GPR137B: variants seen among roughly 807,000 people sequenced by gnomAD.
GPR137B encodes G protein-coupled receptor 137B.
Under a neutral mutation model 42.5 loss-of-function variants are expected in GPR137B, and 42 were observed. The ratio of observed to expected loss-of-function variants is 0.99; its 90% confidence interval spans 0.77 to 1.28. The LOEUF (loss-of-function observed/expected upper bound fraction) is 1.28, where lower values mean the gene tolerates loss of function less well. Ranked by LOEUF, GPR137B falls within the 50% of genes most tolerant of loss-of-function variation. The pLI is 0.00. For synonymous variants in GPR137B, 218 were observed against 209.7 expected, an observed-to-expected ratio of 1.04 and a Z score of -0.34; for missense variants, 487 against 493.9, an observed-to-expected ratio of 0.99 and a Z score of 0.13.
chr1:236,176,561 A>T (rs1170866252), intron 2 of GPR137B, among the ~76,000 whole-genome samples: 2 of 152,152 alleles, frequency 1.3e-5, no homozygotes, highest in Admixed American at 6.5e-5. Context: ...CCCCCAGCAC[A>T]GGGCTGTGCA....
At position 236,142,924 on chromosome 1, in the gene GPR137B, A is replaced by G. The variant is rs939171627; in HGVS notation, c.302A>G (p.Lys101Arg). Reference sequence around the variant, plus strand: ...ACCGTCCTCTTCTCCTTCTACTTCAAAGACTTCGTGGCGGCCAATTCGCTC... The same window carrying G: ...ACCGTCCTCTTCTCCTTCTACTTCAGAGACTTCGTGGCGGCCAATTCGCTC... Reference protein sequence around the residue: ...LRTVLFSFYFKDFVAANSLSP... With the variant: ...LRTVLFSFYFRDFVAANSLSP... The change falls in exon 1 of 7, where the codon AAA (lysine) becomes AGA (arginine). Residue 101 changes from lysine to arginine, a missense_variant. By Grantham distance (26) the Lys-to-Arg change is conservative. Transcript: ENST00000366592. 6.2e-7 allele frequency: 1 copy of G among 1,614,080 alleles called. No individual in the cohort carries two copies. The highest frequency in any genetic ancestry group is 1.6e-4 in the Middle Eastern group (1 of 6,062).
chr1:236,183,642 G>T (rs1443751347), intron 4 of GPR137B, 136 bp from the exon 5 acceptor site: 3 of 558,594 alleles, frequency 5.4e-6, no homozygotes, highest in African/African-American at 3.8e-5. Flanking sequence ...TAGTATATTC[G>T]GTAGTACATT....
In GPR137B at chr1:236,208,326, C is replaced by G; in HGVS notation, c.*168C>G. On this transcript the variant is annotated 3_prime_UTR_variant, in exon 7 of 7. Coordinates refer to ENST00000366592, the MANE Select transcript of GPR137B (RefSeq NM_003272.4). ...TAAGCAATAATGTAGACTGATAAAC[C>G]CTTATTTTAGTACTAAAGAGGGAGC... is the stretch of plus-strand genomic sequence containing the variant. The G allele has an allele frequency of 1.5e-6, 2 of 1,359,208 alleles. No homozygotes were observed. Among genetic ancestry groups the G allele is most frequent in the Non-Finnish European group, 1.9e-6 (2 of 1,055,406 alleles). The allele number at this position is 1,359,208 out of a possible 1,614,324, so 84.2% of individuals were successfully genotyped here.
Position 236,183,801 on chromosome 1 carries a change from A to G in GPR137B, c.861A>G (p.Gly287=), listed in dbSNP as rs765398895. 4 of 1,607,030 alleles carry G rather than the reference A, an allele frequency of 2.5e-6. No homozygotes were observed. The African/African-American group carries it at 4.0e-5, about 16-fold the overall frequency. ...AGGCAGATTTGAAGAATCAGCTGGG[A>G]GATGCTGGATACGTATTATTTGGAG... ...SDQADLKNQL[G]DAGYVLFGVV... The change falls in exon 5 of 7, where the codon GGA becomes GGG. Residue 287 remains glycine, a synonymous_variant. Transcript: ENST00000366592.
intron 1 of GPR137B, among the ~76,000 whole-genome samples, chr1:236,162,581 A>G (rs569231766): frequency 7.2e-5 from 11 of 152,304 alleles, no homozygotes; most frequent in Admixed American, 5.2e-4. Flanking sequence ...CAGGGTCCCC[A>G]TGCTGTGTGC....
At position 236,179,899 on chromosome 1, in the gene GPR137B, G is replaced by A; in HGVS notation, c.708G>A (p.Val236=). ...TCCAGGGCTCCTCCGTGTGTCAAGT[G>A]ACTGCCATCGGTGTCACCGTGATAC... The part of the protein sequence containing the change: ...LESKGSSVCQ[V]TAIGVTVILL... The change falls in exon 4 of 7, where the codon GTG becomes GTA. Residue 236 remains valine, a synonymous_variant. Transcript: ENST00000366592. 1 of 1,593,088 alleles carries A rather than the reference G, an allele frequency of 6.3e-7. No homozygotes were observed. The highest frequency in any genetic ancestry group is 8.5e-7 in the Non-Finnish European group (1 of 1,169,712).
Position 236,201,705 on chromosome 1 carries a change from C to G in GPR137B, c.967-3421C>G, listed in dbSNP as rs937970920. On this transcript the variant is annotated intron_variant, in intron 5 of 6. Transcript: ENST00000366592. ...TACTTAAGTTGGTTTTCACCTTTCT[C>G]TGGTATCTCTTTGAGTAGCTTAATA... Among the ~76,000 whole-genome samples, 9 of 152,064 alleles carry G rather than the reference C, an allele frequency of 5.9e-5. No homozygotes were observed. In the East Asian group the frequency reaches 1.7e-3, roughly 29 times the overall value.
At chr1:236,159,807 G>A (rs1393393823) in intron 1 of GPR137B, among the ~76,000 whole-genome samples, 1 of 152,234 alleles carries the variant, frequency 6.6e-6, no homozygotes, top group Non-Finnish European at 1.5e-5. Context: ...CATCCGAAAG[G>A]ATGGGGTGAA....
At chr1:236,194,193 C>T (rs750124189) in intron 5 of GPR137B, among the ~76,000 whole-genome samples, 6 of 151,870 alleles carry the variant, frequency 4.0e-5, no homozygotes, top group Non-Finnish European at 7.4e-5. Flanking sequence ...TATTTGTTTT[C>T]AACTTACAAT....
intron 6 of GPR137B, among the ~76,000 whole-genome samples, chr1:236,207,832 T>A (rs1340440991): frequency 6.6e-6 from 1 of 152,124 alleles, no homozygotes; most frequent in Non-Finnish European, 1.5e-5. Context: ...TCATGCTGTA[T>A]ACTCTGTGCT....
intron 6 of GPR137B, 103 bp downstream of exon 6, chr1:236,205,353 G>T: frequency 6.4e-6 from 6 of 934,394 alleles, no homozygotes; most frequent in South Asian, 1.7e-5. Context: ...AAACTGTGCA[G>T]CCTTAGGTGG....
rs1661809326 is a variant in GPR137B, at chr1:236,150,161, ATG to A, written c.414+7132_414+7133del. On this transcript the variant is annotated intron_variant, in intron 1 of 6. Coordinates refer to ENST00000366592, the MANE Select transcript of GPR137B (RefSeq NM_003272.4). The surrounding 1 kb of genome is among the most constrained non-coding windows in gnomAD (Gnocchi z 6.2). ...TGTGTGCCTCTGTTTGTGTCTGTGC[ATG>A]TGTGTGCCCGTTTGTGTTTGTGTGT... Among the ~76,000 whole-genome samples, 1 of 122,444 alleles carries A rather than the reference ATG, an allele frequency of 8.2e-6. No individual in the cohort carries two copies. Among genetic ancestry groups the A allele is most frequent in the East Asian group, 2.4e-4 (1 of 4,144 alleles). 80.3% of individuals were successfully genotyped at this position (122,444 alleles called of 152,430 possible).
rs1661572605 is a variant in GPR137B at position 236,143,034 on chromosome 1, C to T, written c.412C>T (p.Gln138Ter). The T allele has an allele frequency of 6.2e-7, 1 of 1,608,356 alleles. No homozygotes were observed. Among genetic ancestry groups the T allele is most frequent in the Admixed American group, 1.7e-5 (1 of 59,820 alleles). ...TLTLMNLYFTQVIFKAKSKYS... is the reference protein window; with the variant it reads ...TLTLMNLYFT Reference sequence around the variant, plus strand: ...CACGCTGATGAACTTGTACTTCACGCAGGTGAGTTTCAGAGAGGCTCCTGG... The same window carrying T: ...CACGCTGATGAACTTGTACTTCACGTAGGTGAGTTTCAGAGAGGCTCCTGG... The change falls in exon 1 of 7, where the codon CAG becomes TAG. Residue 138 changes from glutamine (Q) to a stop codon, truncating the protein, a stop_gained and splice_region_variant. Coordinates refer to ENST00000366592, the MANE Select transcript of GPR137B (RefSeq NM_003272.4). LOFTEE classifies it high-confidence loss of function.
chr1:236,153,752 G>A (rs1661937350), intron 1 of GPR137B, among the ~76,000 whole-genome samples: 1 of 152,200 alleles, frequency 6.6e-6, no homozygotes, highest in Admixed American at 6.5e-5. Context: ...TGTTTTCAGT[G>A]GAAAGTTGAA....
At chr1:236,149,324 C>T (rs187376703) in intron 1 of GPR137B, among the ~76,000 whole-genome samples, 1 of 152,150 alleles carries the variant, frequency 6.6e-6, no homozygotes, top group South Asian at 2.1e-4. Context: ...GCAGATGAGC[C>T]GACCAGAGGA....
In GPR137B at chr1:236,176,595, G is replaced by A. The variant is rs573041234; in HGVS notation, c.465-1819G>A. 1.1e-4 allele frequency among the ~76,000 whole-genome samples: 17 copies of A among 152,224 alleles called. No individual in the cohort carries two copies. The East Asian group carries it at 3.1e-3, about 28-fold the overall frequency. Reference sequence around the variant, plus strand: ...CAGGGAGAAGCCTGCAGTCCTTTCCGCCTCCCCAGAAAGTTGTTTAATTCC... The same window carrying A: ...CAGGGAGAAGCCTGCAGTCCTTTCCACCTCCCCAGAAAGTTGTTTAATTCC... On this transcript the variant is annotated intron_variant, in intron 2 of 6. Transcript: ENST00000366592.
chr1:236,183,150 G>A (rs1033107460), intron 4 of GPR137B, among the ~76,000 whole-genome samples: 3 of 152,136 alleles, frequency 2.0e-5, no homozygotes, highest in Non-Finnish European at 2.9e-5. Context: ...AAGCTCTCTG[G>A]CCATCTCACT....
At chr1:236,195,394 A>G (rs1663305198) in intron 5 of GPR137B, among the ~76,000 whole-genome samples, 1 of 152,148 alleles carries the variant, frequency 6.6e-6, no homozygotes, top group Non-Finnish European at 1.5e-5. Context: ...TTCACTTAAC[A>G]TAATCATCTC....
chr1:236,189,926 CATT>C (rs777390720), intron 5 of GPR137B, among the ~76,000 whole-genome samples: 20 of 152,174 alleles, frequency 1.3e-4, no homozygotes, highest in South Asian at 6.2e-4. Context: ...TAAAGTCTCC[CATT>C]ATTGTTGTGT....
Sources: allele counts gnomAD v4.1 joint callset (sites outside exome capture counted in the v4.1 genomes callset), GRCh38; gene constraint gnomAD v4.1.1; non-coding constraint Gnocchi (gnomAD v3.1); transcripts MANE v1.5; gene names NCBI Gene and HGNC (gene_info 2026-07-23, HGNC 2026-07-21).